Variants in DUT observed in about 807,000 individuals in gnomAD.
DUT encodes deoxyuridine triphosphatase.
DUT carries 21 observed loss-of-function variants against 28.8 expected under a neutral mutation model. The ratio of observed to expected loss-of-function variants is 0.73; its 90% CI spans 0.52 to 1.05. The LOEUF is 1.05. Among genes scored for constraint, DUT ranks in the 50% least tolerant of loss-of-function variants. The pLI is 0.00. For synonymous variants in DUT, 147 were observed against 143.7 expected, an observed-to-expected ratio of 1.02 and a Z score of -0.17; for missense variants, 344 against 351.8, an observed-to-expected ratio of 0.98 and a Z score of 0.18.
chr15:48,331,393 T>A (rs1440543407), upstream of DUT: 1 of 1,494,398 alleles, frequency 6.7e-7, no homozygotes, highest in African/African-American at 1.4e-5. Flanking sequence ...TCCACGCCCC[T>A]CGTCCGGCGG....
intron 2 of DUT, among the ~76,000 whole-genome samples, chr15:48,333,246 G>C (rs560852341): frequency 4.3e-4 from 65 of 152,230 alleles, no homozygotes; most frequent in African/African-American, 1.4e-3. Flanking sequence ...CAGGAGAAGA[G>C]AAAGTAGTGC....
rs772804852 is a variant in DUT at position 48,341,273 on chromosome 15, C to T, written c.557-16C>T. The T allele has an allele frequency of 1.3e-6, 2 of 1,541,300 alleles. No homozygotes were observed. The highest frequency in any genetic ancestry group is 2.3e-5 in the East Asian group (1 of 44,342). On this transcript the variant is annotated splice_polypyrimidine_tract_variant and intron_variant, in intron 4 of 6. Transcript: ENST00000331200. ...AATAGCAAAAATTGAGATAATATTA[C>T]TTTTCTTTTCTCTAGCTGGTGTCAT...
intron 3 of DUT, among the ~76,000 whole-genome samples, chr15:48,335,356 A>AT (rs2042463701): frequency 6.6e-6 from 1 of 152,136 alleles, no homozygotes; most frequent in African/African-American, 2.4e-5. Flanking sequence ...TTAGCTTTTT[A>AT]TTTTTTTCAT....
At chr15:48,341,947 CT>C in intron 6 of DUT, 74 bp from the exon 7 acceptor site, 2 of 1,113,794 alleles carry the variant, frequency 1.8e-6, no homozygotes, top group Non-Finnish European at 2.6e-6. Context: ...CTGTATTTTT[CT>C]TAGGAGCTGG....
intron 4 of DUT, among the ~76,000 whole-genome samples, chr15:48,337,860 G>A (rs2042491337): frequency 6.6e-6 from 1 of 152,138 alleles, no homozygotes; most frequent in Non-Finnish European, 1.5e-5. Flanking sequence ...CTCTAAATAA[G>A]GGTCAAAGGG....
chr15:48,332,744 G>A (rs2042432723), intron 2 of DUT: 1 of 539,444 alleles, frequency 1.9e-6, no homozygotes, highest in Non-Finnish European at 3.5e-6. Context: ...CAAGGTGAGA[G>A]CCTAGATGTG....
rs2042543182 is a variant in DUT, at chr15:48,342,108, T to C, written c.*30T>C. 2 of 1,461,108 alleles carry C rather than the reference T, an allele frequency of 1.4e-6. No individual in the cohort carries two copies. The highest frequency in any genetic ancestry group is 1.8e-6 in the Non-Finnish European group (2 of 1,096,188). 90.5% of individuals were successfully genotyped at this position (1,461,108 alleles called of 1,614,324 possible). A position where few individuals can be genotyped will look rare whatever the true frequency, so the allele number is the denominator to read the frequency against. The stretch of plus-strand genomic sequence containing the variant: ...TATGCCAAGAACAGAAAACAAGAAG[T>C]CATACCTTTTTCTTAAAAAAAAAAA... On this transcript the variant is annotated 3_prime_UTR_variant, in exon 7 of 7. Transcript: ENST00000331200.
Position 48,331,631 on chromosome 15 carries a change from C to T in DUT, c.116C>T (p.Ser39Phe). Reference protein sequence around the residue: ...ARQRAEAAVLSGPGPPLGRAA... With the variant: ...ARQRAEAAVLFGPGPPLGRAA... ...CAGAGGGCCGAAGCCGCGGTACTCT[C>T]CGGGCCAGGCCCGCCCCTCGGCCGC... The change falls in exon 1 of 7, where the codon TCC (serine) becomes TTC (phenylalanine). Residue 39 changes from serine (S) to phenylalanine (F), a missense_variant. Physicochemically the swap from Ser to Phe is radical, Grantham distance 155. Coordinates refer to ENST00000331200, the MANE Select transcript of DUT (RefSeq NM_001025248.2). 6.5e-7 allele frequency: 1 copy of T among 1,544,766 alleles called. No homozygotes were observed. The highest frequency in any genetic ancestry group is 8.7e-7 in the Non-Finnish European group (1 of 1,145,198).
upstream of DUT, chr15:48,331,323 G>A (rs927667467): frequency 5.5e-6 from 8 of 1,441,896 alleles, no homozygotes; most frequent in African/African-American, 1.5e-5. Context: ...GACGCCAACG[G>A]CGCCGTCTTC....
In DUT at chr15:48,332,415, G is replaced by A. The variant is rs756992543; in HGVS notation, c.419+9G>A. 2 of 1,534,456 alleles carry A rather than the reference G, an allele frequency of 1.3e-6. No homozygotes were observed. Among genetic ancestry groups the A allele is most frequent in the Admixed American group, 4.6e-5 (2 of 43,012 alleles). On this transcript the variant is annotated intron_variant, in intron 2 of 6. Transcript: ENST00000331200. Reference sequence around the variant, plus strand: ...GGCTACGACCTGTACAGGTGAGCGGGGACCTGCCGGCGAGGAGGCTGGGAA... The same window carrying A: ...GGCTACGACCTGTACAGGTGAGCGGAGACCTGCCGGCGAGGAGGCTGGGAA...
Position 48,332,669 on chromosome 15 carries a change from TAGAG to T in DUT, c.419+266_419+269del, listed in dbSNP as rs1186112132. On this transcript the variant is annotated intron_variant, in intron 2 of 6. Transcript: ENST00000331200. ...TATTGTGCCCTTCCTAAATAGAAGA[TAGAG>T]AGGAAGGCCCATGGTGGCTTTCGAG... 36 of 652,718 alleles carry T rather than the reference TAGAG, an allele frequency of 5.5e-5. No homozygotes were observed. The Middle Eastern group carries it at 1.2e-3, about 22-fold the overall frequency. 40.4% of individuals were successfully genotyped at this position (652,718 alleles called of 1,614,324 possible).
At chr15:48,338,678 A>G (rs577702626) in intron 4 of DUT, among the ~76,000 whole-genome samples, 2 of 152,348 alleles carry the variant, frequency 1.3e-5, no homozygotes, top group South Asian at 4.1e-4. Flanking sequence ...GCATTCTCAA[A>G]TATTGCTGAT....
intron 1 of DUT, 76 bp from the exon 2 acceptor site, chr15:48,332,192 C>A: frequency 1.3e-6 from 2 of 1,499,510 alleles, no homozygotes; most frequent in Non-Finnish European, 1.8e-6. Flanking sequence ...CCTGCGGCGA[C>A]GCTCATCGTG....
At chr15:48,333,990 T>C (rs1475658477) in intron 2 of DUT, among the ~76,000 whole-genome samples, 1 of 152,212 alleles carries the variant, frequency 6.6e-6, no homozygotes, top group African/African-American at 2.4e-5. Flanking sequence ...GTATTATTAG[T>C]AGTATTTGGC....
chr15:48,332,033 A>T, intron 1 of DUT: 1 of 1,000,006 alleles, frequency 1.0e-6, no homozygotes, highest in Non-Finnish European at 1.4e-6. Flanking sequence ...GGGACCCAGT[A>T]GTTTCCCATC....
Position 48,343,000 on chromosome 15 carries a change from G to A in DUT, c.*922G>A, listed in dbSNP as rs1207967040. 1 of 152,180 alleles carries A rather than the reference G, an allele frequency of 6.6e-6. No homozygotes were observed. The highest frequency in any genetic ancestry group is 1.5e-5 in the Non-Finnish European group (1 of 68,048). The allele number at this position is 152,180 out of a possible 1,614,324, so 9.4% of individuals were successfully genotyped here. On this transcript the variant is annotated 3_prime_UTR_variant, in exon 7 of 7. Coordinates refer to ENST00000331200, the MANE Select transcript of DUT (RefSeq NM_001025248.2). ...AACATCTTTTGGAAGTTTTGCTAGT[G>A]TGCTTTCCTTTCTTTACTATGTTTC...
rs1312420478 is a variant in DUT, at chr15:48,341,374, T to A, written c.631+11T>A. 6.3e-7 allele frequency: 1 copy of A among 1,589,074 alleles called. No homozygotes were observed. Among genetic ancestry groups the A allele is most frequent in the South Asian group, 1.1e-5 (1 of 90,484 alleles). On this transcript the variant is annotated intron_variant, in intron 5 of 6. Transcript: ENST00000331200. Reference sequence around the variant, plus strand: ...AAGAAAAGTTTGAAGGTATGTTAAATATATACATTCACATAATTTTAGTGA... The same window carrying A: ...AAGAAAAGTTTGAAGGTATGTTAAAAATATACATTCACATAATTTTAGTGA...
chr15:48,337,965 A>T (rs1476283033), intron 4 of DUT, among the ~76,000 whole-genome samples: 1 of 152,144 alleles, frequency 6.6e-6, no homozygotes, highest in Non-Finnish European at 1.5e-5. Context: ...GACATGCCAA[A>T]CTCTTGACAC....
intron 2 of DUT, 132 bp downstream of exon 2, chr15:48,332,538 AT>A (rs1027235015): frequency 1.3e-4 from 112 of 883,452 alleles, no homozygotes; most frequent in Non-Finnish European, 1.8e-4. Flanking sequence ...CGTGTTTAAA[AT>A]TTTAGCTTTC....
Sources: allele counts gnomAD v4.1 joint callset (sites outside exome capture counted in the v4.1 genomes callset), GRCh38; gene constraint gnomAD v4.1.1; transcripts MANE v1.5; gene names NCBI Gene and HGNC (gene_info 2026-07-23, HGNC 2026-07-21).